PTDSS2: variants seen among roughly 807,000 people sequenced by gnomAD.
PTDSS2 encodes phosphatidylserine synthase 2.
PTDSS2 carries 41 observed loss-of-function variants against 64.7 expected under a neutral mutation model. The ratio of observed to expected loss-of-function variants is 0.63; its 90% CI spans 0.49 to 0.82. PTDSS2 has a LOEUF of 0.82. PTDSS2 is among the 40% of genes least tolerant of loss of function. The pLI, the probability that PTDSS2 is intolerant of heterozygous loss-of-function variation, is 0.00. For synonymous variants in PTDSS2, 297 were observed against 277.8 expected (o/e 1.07, Z -0.69); for missense variants, 485 against 650.0 (o/e 0.75, Z 2.76).
rs141948554 is a variant in PTDSS2, at chr11:461,372, G to A, written c.284+1084G>A. Among the ~76,000 whole-genome samples the A allele has an allele frequency of 2.6e-5, 4 of 152,294 alleles. No homozygotes were observed. Among genetic ancestry groups the A allele is most frequent in the African/African-American group, 4.8e-5 (2 of 41,558 alleles). ...GTGCCCTGTCTGTAGGGGAGCGGAT[G>A]CTTTAGAATCACGCACAGCAGACCT... On this transcript the variant is annotated intron_variant, in intron 2 of 11. Coordinates refer to ENST00000308020, the MANE Select transcript of PTDSS2 (RefSeq NM_030783.3). This position sits in a 1 kb window ranked among gnomAD's most constrained non-coding sequence, Gnocchi z 4.2.
intron 1 of PTDSS2, chr11:459,312 G>A (rs1846754444): frequency 7.1e-6 from 1 of 141,834 alleles, no homozygotes; most frequent in African/African-American, 2.9e-5. Flanking sequence ...TCCGGTGGAT[G>A]TCGGACCTGG....
intron 5 of PTDSS2, 49 bp from the exon 6 acceptor site, chr11:487,371 T>G (rs1564995307): frequency 6.5e-7 from 1 of 1,548,674 alleles, no homozygotes; most frequent in Non-Finnish European, 8.9e-7. Flanking sequence ...GTGTGGGGAG[T>G]GGGGGTGGCT....
intron 3 of PTDSS2, among the ~76,000 whole-genome samples, chr11:475,272 A>T (rs1390353974): frequency 6.9e-6 from 1 of 144,038 alleles, no homozygotes; most frequent in Admixed American, 6.9e-5. Context: ...CGCGTTTGTG[A>T]TACGGCCATA....
Position 450,629 on chromosome 11 carries a change from C to T in PTDSS2, c.174C>T (p.Thr58=), listed in dbSNP as rs1276545205. The change falls in exon 1 of 12, where the codon ACC becomes ACT. Residue 58 remains threonine, a synonymous_variant. Transcript: ENST00000308020. ...AGGTCTACGACGACGGCACCAACAC[C>T]TTCTTCTGGTGAGGGCAGTGGGCGG... ...ESEVYDDGTN[T]FFWRAHTLTV... The T allele has an allele frequency of 1.1e-5, 14 of 1,243,606 alleles. No individual in the cohort carries two copies. The highest frequency in any genetic ancestry group is 1.3e-5 in the Non-Finnish European group (13 of 986,270). 77.0% of individuals were successfully genotyped at this position (1,243,606 alleles called of 1,614,324 possible).
At chr11:477,586 T>C (rs1339538664) in intron 3 of PTDSS2, among the ~76,000 whole-genome samples, 1 of 152,116 alleles carries the variant, frequency 6.6e-6, no homozygotes, top group Non-Finnish European at 1.5e-5. Context: ...GCTGGGGCCT[T>C]CCCCAACAGG....
chr11:454,554 C>G (rs983153620), intron 1 of PTDSS2, among the ~76,000 whole-genome samples: 4 of 152,176 alleles, frequency 2.6e-5, no homozygotes, highest in African/African-American at 9.7e-5. Context: ...CGCCTGTAAT[C>G]CCAGCACTTT....
At chr11:488,702 C>A in intron 8 of PTDSS2, 55 bp downstream of exon 8, 1 of 1,331,928 alleles carries the variant, frequency 7.5e-7, no homozygotes, top group Non-Finnish European at 1.1e-6. Flanking sequence ...TGGAGGCAGC[C>A]TCAGCGTCCG....
intron 4 of PTDSS2, among the ~76,000 whole-genome samples, chr11:484,166 C>G (rs1240506534): frequency 6.6e-6 from 1 of 152,238 alleles, no homozygotes; most frequent in African/African-American, 2.4e-5. Flanking sequence ...CAGCGCTGCT[C>G]TATTTATCGT....
intron 2 of PTDSS2, among the ~76,000 whole-genome samples, chr11:467,726 C>G (rs1847204798): frequency 1.3e-5 from 2 of 152,184 alleles, no homozygotes; most frequent in Non-Finnish European, 1.5e-5. Context: ...GTGCGAGACT[C>G]TGTCTCAAAA....
rs1846923745 is a variant in PTDSS2 at position 462,256 on chromosome 11, A to G, written c.284+1968A>G. Among the ~76,000 whole-genome samples, 1 of 152,066 alleles carries G rather than the reference A, an allele frequency of 6.6e-6. No homozygotes were observed. Among genetic ancestry groups the G allele is most frequent in the African/African-American group, 2.4e-5 (1 of 41,406 alleles). ...CAGGAGCTTAGACCCCTGAGGGGGC[A>G]GCAGTGGTGGGCACGTCCCCCACTT... On this transcript the variant is annotated intron_variant, in intron 2 of 11. Transcript: ENST00000308020. The surrounding 1 kb of genome is among the most constrained non-coding windows in gnomAD (Gnocchi z 4.5).
At chr11:489,852 C>T (rs750861746) in intron 10 of PTDSS2, 31 bp from the exon 11 acceptor site, 29 of 1,553,366 alleles carry the variant, frequency 1.9e-5, no homozygotes, top group East Asian at 2.4e-5. Context: ...CTGCGGGGCC[C>T]GGGACGCTGA....
In PTDSS2 at chr11:460,637, G is replaced by T; in HGVS notation, c.284+349G>T. On this transcript the variant is annotated intron_variant, in intron 2 of 11. Coordinates refer to ENST00000308020, the MANE Select transcript of PTDSS2 (RefSeq NM_030783.3). The surrounding 1 kb of genome is among the most constrained non-coding windows in gnomAD (Gnocchi z 5.8). The stretch of plus-strand genomic sequence containing the variant: ...GCCCTTGAGTTTGGGCGTCTCCGGG[G>T]GTGAGGTTCCTGCGGTGGCCGCGTG... The T allele has an allele frequency of 4.4e-6, 1 of 225,584 alleles. No homozygotes were observed. Among genetic ancestry groups the T allele is most frequent in the Non-Finnish European group, 8.9e-6 (1 of 112,422 alleles). The allele number at this position is 225,584 out of a possible 1,614,324, so 14.0% of individuals were successfully genotyped here. A position where few individuals can be genotyped will look rare whatever the true frequency, so the allele number is the denominator to read the frequency against.
intron 1 of PTDSS2, among the ~76,000 whole-genome samples, chr11:458,218 T>G (rs1846685429): frequency 6.6e-6 from 1 of 152,038 alleles, no homozygotes; most frequent in South Asian, 2.1e-4. Context: ...TTCTTTTTTT[T>G]TTTTGAGATT....
chr11:485,408 AAAC>A (rs1193104606), intron 4 of PTDSS2, among the ~76,000 whole-genome samples: 2 of 134,394 alleles, frequency 1.5e-5, no homozygotes, highest in East Asian at 2.4e-4. Flanking sequence ...AGGCGACCGT[AAAC>A]AGTGCACGGA....
chr11:473,411 C>T (rs1847573502), intron 2 of PTDSS2, among the ~76,000 whole-genome samples: 1 of 152,202 alleles, frequency 6.6e-6, no homozygotes, highest in South Asian at 2.1e-4. Flanking sequence ...TTCCCTCCTA[C>T]GTGGGCTTTG....
chr11:485,994 G>A (rs1469556422), intron 4 of PTDSS2, among the ~76,000 whole-genome samples: 12 of 144,612 alleles, frequency 8.3e-5, no homozygotes, highest in African/African-American at 1.6e-4. Context: ...GCAGGCGAGC[G>A]TAAGCAGTGC....
At chr11:455,384 C>G (rs1846538602) in intron 1 of PTDSS2, among the ~76,000 whole-genome samples, 1 of 152,194 alleles carries the variant, frequency 6.6e-6, no homozygotes, top group South Asian at 2.1e-4. Flanking sequence ...GCCTCCCTCA[C>G]AGCAGGCTCC....
At chr11:468,999 G>A (rs1847274406) in intron 2 of PTDSS2, among the ~76,000 whole-genome samples, 1 of 135,942 alleles carries the variant, frequency 7.4e-6, no homozygotes, top group African/African-American at 2.8e-5. Flanking sequence ...GTAATCGGAA[G>A]GAGGAGGAGG....
chr11:459,945 C>G, intron 1 of PTDSS2: 1 of 515,508 alleles, frequency 1.9e-6, no homozygotes, highest in East Asian at 3.3e-5. Context: ...TTCAGCTTCC[C>G]AGGAACACGG....
Sources: gnomAD v4.1 joint callset for allele counts (sites outside exome capture counted in the v4.1 genomes callset) on GRCh38, gnomAD v4.1.1 for gene constraint, Gnocchi (gnomAD v3.1) non-coding constraint, MANE v1.5 for transcripts, NCBI Gene and HGNC (gene_info 2026-07-23, HGNC 2026-07-21) for gene names.